DCAF7: variants seen among roughly 807,000 people sequenced by gnomAD.
DCAF7 encodes the protein DDB1- and CUL4-associated factor 7.
In DCAF7, 4 loss-of-function variants were observed where a neutral mutation model predicts 41.2. The observed-to-expected ratio is 0.10, with a 90% CI of 0.05 to 0.22. DCAF7 has a LOEUF of 0.22. Among genes scored for constraint, DCAF7 ranks in the 10% least tolerant of loss-of-function variants. The pLI is 1.00. For synonymous variants in DCAF7, 143 were observed against 164.2 expected (o/e 0.87, Z 0.99); for missense variants, 131 against 443.2 (o/e 0.30, Z 6.32).
chr17:63,581,935 T>C (rs2033626600), intron 4 of DCAF7, among the ~76,000 whole-genome samples: 1 of 152,170 alleles, frequency 6.6e-6, no homozygotes, highest in Admixed American at 6.5e-5. Flanking sequence ...GGTTTCCCAG[T>C]GAACCATGCT....
intron 1 of DCAF7, among the ~76,000 whole-genome samples, chr17:63,561,738 A>G (rs779212444): frequency 5.3e-5 from 8 of 149,706 alleles, no homozygotes; most frequent in Non-Finnish European, 1.0e-4. Flanking sequence ...AAAATGTGTT[A>G]TAAGTATAGA....
chr17:63,563,739 C>T (rs1455394105), intron 1 of DCAF7, among the ~76,000 whole-genome samples: 1 of 152,044 alleles, frequency 6.6e-6, no homozygotes, highest in Non-Finnish European at 1.5e-5. Context: ...CACTTGAACC[C>T]AGGAGGTGGA....
chr17:63,574,474 T>C (rs2147771316), intron 1 of DCAF7, among the ~76,000 whole-genome samples: 1 of 152,304 alleles, frequency 6.6e-6, no homozygotes, highest in African/African-American at 2.4e-5. Flanking sequence ...ATAAAATGAA[T>C]ATTTAGACTT....
At position 63,583,537 on chromosome 17, in the gene DCAF7, C is replaced by A. The variant is rs749619122; in HGVS notation, c.564C>A (p.Gly188=). ...YDIAFSRAGG[G]RDMFASVGAD... Reference sequence around the variant, plus strand: ...TTGCATTTAGCCGGGCCGGGGGTGGCAGGGACATGTTTGCCTCTGTGGGTG... The same window carrying A: ...TTGCATTTAGCCGGGCCGGGGGTGGAAGGGACATGTTTGCCTCTGTGGGTG... The change falls in exon 5 of 7, where the codon GGC becomes GGA. Residue 188 remains glycine, a synonymous_variant. Coordinates refer to ENST00000614556, the MANE Select transcript of DCAF7 (RefSeq NM_005828.5). 6.2e-6 allele frequency: 10 copies of A among 1,613,898 alleles called. No individual in the cohort carries two copies. The highest frequency in any genetic ancestry group is 8.5e-6 in the Non-Finnish European group (10 of 1,179,854).
intron 1 of DCAF7, among the ~76,000 whole-genome samples, chr17:63,576,791 G>A (rs1712392940): frequency 6.6e-6 from 1 of 152,204 alleles, no homozygotes; most frequent in Non-Finnish European, 1.5e-5. Flanking sequence ...GCACATGCCT[G>A]TGGTCCCAGC....
Position 63,550,869 on chromosome 17 carries a change from G to A in DCAF7, c.138+54G>A. 6.3e-7 allele frequency: 1 copy of A among 1,581,190 alleles called. No individual in the cohort carries two copies. Among genetic ancestry groups the A allele is most frequent in the Middle Eastern group, 1.7e-4 (1 of 5,898 alleles). On this transcript the variant is annotated intron_variant, in intron 1 of 6. Transcript: ENST00000614556. This position sits in a 1 kb window ranked among gnomAD's most constrained non-coding sequence, Gnocchi z 4.8. ...CTGGCGGGGAGCGGGCCCCGGGAGC[G>A]CCCTTTCCGGGCCGGAGCCCAGGCC...
Position 63,551,891 on chromosome 17 carries a change from CAAAAAAAAAAAAAAAAAAAAAAAAAA to C in DCAF7, c.138+1091_138+1116del, listed in dbSNP as rs529811578. 7.0e-4 allele frequency among the ~76,000 whole-genome samples: 19 copies of C among 27,294 alleles called. 1 individual carries two copies. Among genetic ancestry groups the C allele is most frequent in the South Asian group, 3.2e-3 (1 of 314 alleles). 17.9% of individuals were successfully genotyped at this position (27,294 alleles called of 152,430 possible). On this transcript the variant is annotated intron_variant, in intron 1 of 6. Transcript: ENST00000614556. ...GTGAAACCCCGTCTCTACTAAAATA[CAAAAAAAAAAAAAAAAAAAAAAAAAA>C]AAAAAAAAAAAAAAGCCGGGCGTAG...
intron 1 of DCAF7, among the ~76,000 whole-genome samples, chr17:63,558,423 G>A (rs2033333640): frequency 6.6e-6 from 1 of 152,110 alleles, no homozygotes; most frequent in African/African-American, 2.4e-5. Context: ...ATAATGCTGG[G>A]GAACACAAAA....
intron 1 of DCAF7, among the ~76,000 whole-genome samples, chr17:63,575,689 A>G (rs182328443): frequency 8.1e-4 from 123 of 152,300 alleles, no homozygotes; most frequent in Admixed American, 2.8e-3. Flanking sequence ...CTCTGTCTGA[A>G]AAAAAAGAAC....
Position 63,550,982 on chromosome 17 carries a change from C to G in DCAF7, c.138+167C>G, listed in dbSNP as rs2033246161. Among the ~76,000 whole-genome samples the G allele has an allele frequency of 6.6e-6, 1 of 152,258 alleles. No homozygotes were observed. The highest frequency in any genetic ancestry group is 1.5e-5 in the Non-Finnish European group (1 of 68,048). ...TGAAGGTTTCGTACTCGTTGTCTGT[C>G]TCCTTTAATCCAGGCAGCATTCTTG... On this transcript the variant is annotated intron_variant, in intron 1 of 6. Coordinates refer to ENST00000614556, the MANE Select transcript of DCAF7 (RefSeq NM_005828.5). The surrounding 1 kb of genome is among the most constrained non-coding windows in gnomAD (Gnocchi z 4.8).
intron 1 of DCAF7, among the ~76,000 whole-genome samples, 194 bp from the exon 2 acceptor site, chr17:63,578,276 A>C (rs1156507621): frequency 6.6e-6 from 1 of 152,130 alleles, no homozygotes; most frequent in Admixed American, 6.5e-5. Flanking sequence ...AGGTGGAAGG[A>C]TCACTTGAGA....
Position 63,592,502 on chromosome 17 carries a change from C to G in DCAF7, c.*3330C>G, listed in dbSNP as rs1208126279. ...AAGATTCAGGAAGAAACAAAAAATTCAGAATCCTACAAGGTTTTGATGACA... is the reference window on the plus strand; with the variant it reads ...AAGATTCAGGAAGAAACAAAAAATTGAGAATCCTACAAGGTTTTGATGACA... On this transcript the variant is annotated 3_prime_UTR_variant, in exon 7 of 7. Coordinates refer to ENST00000614556, the MANE Select transcript of DCAF7 (RefSeq NM_005828.5). The G allele has an allele frequency of 1.3e-5, 2 of 152,000 alleles. No homozygotes were observed. The highest frequency in any genetic ancestry group is 4.8e-5 in the African/African-American group (2 of 41,438). 9.4% of individuals were successfully genotyped at this position (152,000 alleles called of 1,614,324 possible).
intron 1 of DCAF7, among the ~76,000 whole-genome samples, chr17:63,569,490 C>T (rs1378398636): frequency 1.3e-5 from 2 of 152,080 alleles, no homozygotes; most frequent in African/African-American, 4.8e-5. Flanking sequence ...TCCAACAGTA[C>T]CACCAGGCCT....
In DCAF7 at chr17:63,575,308, G is replaced by T. The variant is rs191944028; in HGVS notation, c.139-3162G>T. Among the ~76,000 whole-genome samples the T allele has an allele frequency of 4.5e-3, 688 of 152,324 alleles. 1 individual carries two copies. Among genetic ancestry groups the T allele is most frequent in the Non-Finnish European group, 8.2e-3 (556 of 68,024 alleles). On this transcript the variant is annotated intron_variant, in intron 1 of 6. Transcript: ENST00000614556. ...ATCATGCCCCTACACTCCAGCTGAGGCGACAGAGCGAGACTCAGTCTCAGA... is the reference window on the plus strand; with the variant it reads ...ATCATGCCCCTACACTCCAGCTGAGTCGACAGAGCGAGACTCAGTCTCAGA...
At chr17:63,578,368 A>T in intron 1 of DCAF7, 102 bp from the exon 2 acceptor site, 1 of 1,523,990 alleles carries the variant, frequency 6.6e-7, no homozygotes. Flanking sequence ...TGTCTTTAAA[A>T]CAAAAAACAA....
At chr17:63,551,188 G>A (rs1280954285) in intron 1 of DCAF7, among the ~76,000 whole-genome samples, 1 of 152,110 alleles carries the variant, frequency 6.6e-6, no homozygotes, top group Non-Finnish European at 1.5e-5. Flanking sequence ...GGGAAGGGAA[G>A]AGAGAGTGAT....
At chr17:63,587,445 T>C (rs2033688962) in intron 6 of DCAF7, among the ~76,000 whole-genome samples, 1 of 152,194 alleles carries the variant, frequency 6.6e-6, no homozygotes, top group Admixed American at 6.5e-5. Flanking sequence ...TTTCTGCTCC[T>C]GGCTGCTGCC....
At chr17:63,587,716 T>A (rs1179260810) in intron 6 of DCAF7, among the ~76,000 whole-genome samples, 5 of 152,336 alleles carry the variant, frequency 3.3e-5, no homozygotes, top group South Asian at 2.1e-4. Flanking sequence ...TTTCTTTGTA[T>A]CTGAGACCAG....
At chr17:63,582,282 A>T (rs576917280) in intron 4 of DCAF7, among the ~76,000 whole-genome samples, 6 of 152,302 alleles carry the variant, frequency 3.9e-5, no homozygotes, top group African/African-American at 7.2e-5. Context: ...ATAGATGCTC[A>T]TTTGGCAGTG....
Sources: gnomAD v4.1 joint callset for allele counts (sites outside exome capture counted in the v4.1 genomes callset) on GRCh38, gnomAD v4.1.1 for gene constraint, Gnocchi (gnomAD v3.1) non-coding constraint, MANE v1.5 for transcripts, NCBI Gene and HGNC (gene_info 2026-07-23, HGNC 2026-07-21) for gene names.